Variants in SOX5 observed in about 807,000 individuals in gnomAD.
SOX5 encodes SRY-box transcription factor 5, also known as transcription factor SOX-5.
A neutral mutation model predicts 92.0 loss-of-function variants in SOX5; 9 were observed. The ratio of observed to expected loss-of-function variants is 0.10; its 90% CI spans 0.06 to 0.17. The LOEUF is 0.17. Among genes scored for constraint, SOX5 ranks in the 10% least tolerant of loss-of-function variants. The pLI is 1.00. For synonymous variants in SOX5, 344 were observed against 336.3 expected, an observed-to-expected ratio of 1.02 and a Z score of -0.25; for missense variants, 642 against 944.5, an observed-to-expected ratio of 0.68 and a Z score of 4.20.
intron 1 of SOX5, among the ~76,000 whole-genome samples, chr12:24,506,255 G>A (rs1948731249): frequency 6.6e-6 from 1 of 151,946 alleles, no homozygotes; most frequent in African/African-American, 2.4e-5. Flanking sequence ...ATTTAGCAAT[G>A]TCCCCTTTTA....
intron 1 of SOX5, among the ~76,000 whole-genome samples, chr12:24,445,176 CAGTT>C (rs1292475056): frequency 9.2e-5 from 14 of 152,276 alleles, no homozygotes; most frequent in Admixed American, 2.6e-4. Flanking sequence ...CGAGAATTGT[CAGTT>C]AGTGATTTTA....
At chr12:24,310,975 T>C (rs1016372173) in intron 2 of SOX5, among the ~76,000 whole-genome samples, 1 of 152,096 alleles carries the variant, frequency 6.6e-6, no homozygotes, top group East Asian at 1.9e-4. Flanking sequence ...TAGAACACAA[T>C]AACCCAAAAT....
chr12:23,752,381 T>C (rs1328103303), intron 4 of SOX5, among the ~76,000 whole-genome samples: 1 of 151,816 alleles, frequency 6.6e-6, no homozygotes, highest in East Asian at 1.9e-4. Flanking sequence ...ATAAAAACAA[T>C]TGAGAGTATT....
At position 23,958,728 on chromosome 12, in the gene SOX5, T is replaced by TAA. The variant is rs5797051; in HGVS notation, c.-1-62706_-1-62705dup. Among the ~76,000 whole-genome samples, 217 of 148,570 alleles carry TAA rather than the reference T, an allele frequency of 1.5e-3. 1 individual carries two copies. In the Middle Eastern group the frequency reaches 0.017, roughly 12 times the overall value. On this transcript the variant is annotated intron_variant, in intron 4 of 4. Transcript: ENST00000446891. The stretch of plus-strand genomic sequence containing the variant: ...AACAAAATTATGTGGGGATTTTAAG[T>TAA]AAAAAAAAAAAGATATCAAACTGAG...
At chr12:24,475,373 C>A (rs371022841) in intron 1 of SOX5, among the ~76,000 whole-genome samples, 1 of 152,190 alleles carries the variant, frequency 6.6e-6, no homozygotes, top group African/African-American at 2.4e-5. Context: ...ATAAGCCTCT[C>A]GAAGGCAGGA....
intron 1 of SOX5, among the ~76,000 whole-genome samples, chr12:24,444,167 CTTAA>C (rs975530525): frequency 6.6e-6 from 1 of 152,056 alleles, no homozygotes; most frequent in Non-Finnish European, 1.5e-5. Flanking sequence ...ATCTGTGAAA[CTTAA>C]TTGTTTGTTT....
intron 1 of SOX5, among the ~76,000 whole-genome samples, chr12:24,379,696 G>A (rs1020447679): frequency 2.0e-5 from 3 of 152,080 alleles, no homozygotes; most frequent in East Asian, 1.9e-4. Flanking sequence ...TGTGACTCCC[G>A]GGTTCCAACT....
chr12:23,909,445 C>T (rs931603616), intron 1 of SOX5, among the ~76,000 whole-genome samples: 1 of 152,082 alleles, frequency 6.6e-6, no homozygotes, highest in African/African-American at 2.4e-5. Context: ...CCCATATCAC[C>T]ACAAAATCTG....
intron 1 of SOX5, among the ~76,000 whole-genome samples, chr12:23,948,944 G>T (rs1014976911): frequency 2.6e-5 from 4 of 152,054 alleles, no homozygotes; most frequent in African/African-American, 9.7e-5. Flanking sequence ...ACTTAGAAAG[G>T]GAACAGCTCC....
In SOX5 at chr12:24,393,294, C is replaced by T. The variant is rs575824182; in HGVS notation, c.-250-24655G>A. On this transcript the variant is annotated intron_variant, in intron 1 of 4. Transcript: ENST00000446891. This position sits in a 1 kb window ranked among gnomAD's most constrained non-coding sequence, Gnocchi z 5.0. ...ATTAGCAAGCTCATCAATAACTGCA[C>T]GGCATTTACCTTCTGCAGCAACAGC... 5.3e-5 allele frequency among the ~76,000 whole-genome samples: 8 copies of T among 152,314 alleles called. No individual in the cohort carries two copies. Among genetic ancestry groups the T allele is most frequent in the South Asian group, 2.1e-4 (1 of 4,828 alleles).
At chr12:23,883,147 C>T (rs1391647271) in intron 2 of SOX5, among the ~76,000 whole-genome samples, 1 of 151,492 alleles carries the variant, frequency 6.6e-6, no homozygotes, top group South Asian at 2.1e-4. Flanking sequence ...CGCCACTGCA[C>T]TCCAGCCTGG....
chr12:23,549,391 G>A (rs1817685143), intron 11 of SOX5, among the ~76,000 whole-genome samples: 2 of 151,724 alleles, frequency 1.3e-5, no homozygotes, highest in South Asian at 2.1e-4. Flanking sequence ...AAAAATCACG[G>A]CTCTGATAAA....
At chr12:24,098,537 G>A (rs557633935) in intron 4 of SOX5, among the ~76,000 whole-genome samples, 47 of 152,094 alleles carry the variant, frequency 3.1e-4, no homozygotes, top group African/African-American at 1.0e-3. Flanking sequence ...TTTAGAGAAC[G>A]GTCCAATGCA....
chr12:24,190,302 C>G (rs1956398970), intron 4 of SOX5, among the ~76,000 whole-genome samples: 1 of 152,134 alleles, frequency 6.6e-6, no homozygotes, highest in South Asian at 2.1e-4. Context: ...TGGACGCATA[C>G]ATATATATGT....
intron 4 of SOX5, among the ~76,000 whole-genome samples, chr12:24,076,489 A>G (rs1942615389): frequency 6.6e-6 from 1 of 152,162 alleles, no homozygotes; most frequent in African/African-American, 2.4e-5. Flanking sequence ...TTCCAACAGC[A>G]CAATCCAGCA....
At chr12:24,311,781 ATCAGTGGCTTCCT>A (rs1329162533) in intron 2 of SOX5, among the ~76,000 whole-genome samples, 1 of 152,188 alleles carries the variant, frequency 6.6e-6, no homozygotes, top group Non-Finnish European at 1.5e-5. Context: ...TATCCCCAGA[ATCAGTGGCTTCCT>A]TCAGTCATGA....
chr12:23,763,408 C>T (rs139436036), intron 3 of SOX5, among the ~76,000 whole-genome samples: 1 of 151,982 alleles, frequency 6.6e-6, no homozygotes, highest in Non-Finnish European at 1.5e-5. Context: ...TGAAAACTAC[C>T]CCAAAATCAA....
chr12:23,997,949 C>A (rs1480645941), intron 4 of SOX5, among the ~76,000 whole-genome samples: 1 of 152,122 alleles, frequency 6.6e-6, no homozygotes, highest in Non-Finnish European at 1.5e-5. Flanking sequence ...ACAACAACTA[C>A]TACTATGGTG....
chr12:23,707,470 A>G (rs1443069962), intron 6 of SOX5, among the ~76,000 whole-genome samples: 1 of 152,158 alleles, frequency 6.6e-6, no homozygotes, highest in African/African-American at 2.4e-5. Flanking sequence ...CTTGGCTTCA[A>G]AAAGGATACA....
Sources: gnomAD v4.1 joint callset for allele counts (sites outside exome capture counted in the v4.1 genomes callset) on GRCh38, gnomAD v4.1.1 for gene constraint, Gnocchi (gnomAD v3.1) non-coding constraint, MANE v1.5 for transcripts, NCBI Gene and HGNC (gene_info 2026-07-23, HGNC 2026-07-21) for gene names.